The following PROS1 variants were observed in gnomAD, a reference collection of about 807,000 sequenced individuals.
The protein encoded by PROS1 is protein S.
In PROS1, 29 loss-of-function variants were observed where a neutral mutation model predicts 75.9. The observed-to-expected ratio is 0.38, with a 90% CI of 0.28 to 0.52. The LOEUF is 0.52. Among genes scored for constraint, PROS1 ranks in the 20% least tolerant of loss-of-function variants. The pLI is 0.83. For synonymous variants in PROS1, 245 were observed against 280.6 expected, an observed-to-expected ratio of 0.87 and a Z score of 1.27; for missense variants, 680 against 810.3, an observed-to-expected ratio of 0.84 and a Z score of 1.95.
intron 1 of PROS1, among the ~76,000 whole-genome samples, chr3:93,972,857 A>G (rs1016518842): frequency 5.9e-5 from 9 of 152,154 alleles, no homozygotes; most frequent in African/African-American, 2.2e-4. Context: ...TCAAACAAAC[A>G]AACAAAAAGG....
intron 1 of PROS1, among the ~76,000 whole-genome samples, chr3:93,956,502 CTCTCTCTCTG>C (rs1476596342): frequency 6.7e-6 from 1 of 149,554 alleles, no homozygotes; most frequent in Non-Finnish European, 1.5e-5. Flanking sequence ...CTCTGTCTCT[CTCTCTCTCTG>C]TCTCTCTCTC....
intron 13 of PROS1, among the ~76,000 whole-genome samples, chr3:93,878,390 C>G (rs1019164067): frequency 6.6e-6 from 1 of 152,166 alleles, no homozygotes. Context: ...AAGTTGCAAA[C>G]AGCATAACTT....
intron 1 of PROS1, among the ~76,000 whole-genome samples, chr3:93,955,898 A>G (rs1415665502): frequency 6.6e-6 from 1 of 152,328 alleles, no homozygotes; most frequent in East Asian, 1.9e-4. Context: ...ACTGATGAAT[A>G]TGCACAATGG....
intron 1 of PROS1, among the ~76,000 whole-genome samples, chr3:93,937,291 G>C (rs1349084509): frequency 7.2e-5 from 11 of 152,106 alleles, no homozygotes; most frequent in African/African-American, 2.4e-5. Flanking sequence ...AAACAGAACA[G>C]AGCAGGGAGT....
intron 1 of PROS1, among the ~76,000 whole-genome samples, chr3:93,934,810 T>C (rs1709156886): frequency 6.6e-6 from 1 of 152,142 alleles, no homozygotes; most frequent in Non-Finnish European, 1.5e-5. Context: ...TGACCCTCCA[T>C]TCTGGAACAG....
intron 3 of PROS1, among the ~76,000 whole-genome samples, chr3:93,914,182 C>A (rs1708804684): frequency 6.6e-6 from 1 of 152,214 alleles, no homozygotes; most frequent in Admixed American, 6.5e-5. Context: ...TAGTTCTGGG[C>A]TCTCGGGGCT....
chr3:93,903,905 G>A (rs1201581377), intron 6 of PROS1, among the ~76,000 whole-genome samples: 4 of 151,420 alleles, frequency 2.6e-5, no homozygotes, highest in Non-Finnish European at 2.9e-5. Flanking sequence ...ATGCTGGCAC[G>A]CTGCACCCAC....
At chr3:93,900,780 G>C (rs377299388) in intron 7 of PROS1, 24 bp downstream of exon 7, 7 of 1,611,704 alleles carry the variant, frequency 4.3e-6, no homozygotes, top group Admixed American at 1.7e-5. Context: ...TCCACCATCA[G>C]TAATGATACC....
chr3:93,875,033 T>C (rs1708161590), intron 14 of PROS1, among the ~76,000 whole-genome samples: 1 of 152,112 alleles, frequency 6.6e-6, no homozygotes, highest in African/African-American at 2.4e-5. Flanking sequence ...TTAGCCCTTA[T>C]TCTTCATCTT....
At chr3:93,968,305 T>A (rs192018240) in intron 1 of PROS1, among the ~76,000 whole-genome samples, 110 of 152,148 alleles carry the variant, frequency 7.2e-4, no homozygotes, top group African/African-American at 2.5e-3. Flanking sequence ...GACAGACATG[T>A]ACAGAGGGAA....
chr3:93,896,203 G>A (rs1353794698), intron 9 of PROS1, among the ~76,000 whole-genome samples: 1 of 152,044 alleles, frequency 6.6e-6, no homozygotes, highest in East Asian at 1.9e-4. Flanking sequence ...TATTCTAAAA[G>A]CAATACTGAG....
At chr3:93,931,154 A>T (rs1197737136) in intron 1 of PROS1, among the ~76,000 whole-genome samples, 4 of 152,202 alleles carry the variant, frequency 2.6e-5, no homozygotes, top group African/African-American at 9.7e-5. Flanking sequence ...CAGAATTATC[A>T]TCCCTATTTT....
chr3:93,895,569 T>C (rs1243525639), intron 9 of PROS1, among the ~76,000 whole-genome samples: 1 of 152,220 alleles, frequency 6.6e-6, no homozygotes, highest in African/African-American at 2.4e-5. Context: ...GTTCTAAACA[T>C]ACATGCTTAT....
intron 1 of PROS1, among the ~76,000 whole-genome samples, chr3:93,927,805 C>A: frequency 6.9e-6 from 1 of 144,186 alleles, no homozygotes; most frequent in East Asian, 2.1e-4. Flanking sequence ...TGGTTCAAAC[C>A]CAGCCTGGGC....
chr3:93,935,015 T>C (rs1709161726), intron 1 of PROS1, among the ~76,000 whole-genome samples: 1 of 152,202 alleles, frequency 6.6e-6, no homozygotes, highest in Non-Finnish European at 1.5e-5. Context: ...CAGTACACGT[T>C]AGTTATTCCC....
chr3:93,941,600 A>G (rs1709289191), intron 1 of PROS1, among the ~76,000 whole-genome samples: 1 of 152,118 alleles, frequency 6.6e-6, no homozygotes, highest in Non-Finnish European at 1.5e-5. Context: ...AGCTTTAGAG[A>G]CTGCTCCCAC....
chr3:93,880,359 G>A (rs1385445026), intron 12 of PROS1, among the ~76,000 whole-genome samples: 14 of 151,968 alleles, frequency 9.2e-5, no homozygotes, highest in Admixed American at 3.3e-4. Context: ...AAAATTAGCC[G>A]AGCATGGTGG....
intron 12 of PROS1, among the ~76,000 whole-genome samples, chr3:93,883,926 G>T (rs558469773): frequency 7.8e-4 from 118 of 152,220 alleles, no homozygotes; most frequent in Non-Finnish European, 1.5e-3. Context: ...CCCCAGCCTG[G>T]GTGACAAAGT....
chr3:93,922,510 A>G (rs1229443356), intron 3 of PROS1, among the ~76,000 whole-genome samples: 2 of 152,240 alleles, frequency 1.3e-5, no homozygotes, highest in African/African-American at 4.8e-5. Flanking sequence ...TAGTACATGG[A>G]ATATGTAGGC....
Sources: gnomAD v4.1 joint callset for allele counts (sites outside exome capture counted in the v4.1 genomes callset) on GRCh38, gnomAD v4.1.1 for gene constraint, MANE v1.5 for transcripts, NCBI Gene and HGNC (gene_info 2026-07-23, HGNC 2026-07-21) for gene names.